FSTL5: variants seen among roughly 807,000 people sequenced by gnomAD.
The protein encoded by FSTL5 is follistatin like 5.
A neutral mutation model predicts 89.1 loss-of-function variants in FSTL5; 62 were observed. The observed-to-expected ratio is 0.70, with a 90% CI of 0.57 to 0.86. The LOEUF is 0.86. Ranked by LOEUF, FSTL5 falls within the 40% of genes least tolerant of loss-of-function variation. The pLI is 0.00. For missense variants in FSTL5, 1,057 were observed against 1,001.6 expected, an observed-to-expected ratio of 1.06 and a Z score of -0.75; for synonymous variants, 383 against 346.2, an observed-to-expected ratio of 1.11 and a Z score of -1.18.
chr4:161,781,137 C>A (rs1457818092), intron 4 of FSTL5, among the ~76,000 whole-genome samples: 2 of 151,784 alleles, frequency 1.3e-5, no homozygotes, highest in Non-Finnish European at 2.9e-5. Context: ...GCTAATAAAA[C>A]ACAAATATTT....
At chr4:161,520,474 TAAC>T (rs138989021) in intron 10 of FSTL5, among the ~76,000 whole-genome samples, 97 of 152,120 alleles carry the variant, frequency 6.4e-4, no homozygotes, top group African/African-American at 2.3e-3. Flanking sequence ...TTATAAATTA[TAAC>T]AAAAAACATC....
intron 2 of FSTL5, among the ~76,000 whole-genome samples, chr4:162,067,939 C>A (rs1035319289): frequency 6.6e-5 from 10 of 151,902 alleles, no homozygotes; most frequent in Non-Finnish European, 1.5e-4. Context: ...CGAATGAACT[C>A]CAATTCACAA....
chr4:162,057,292 C>G (rs947134276), intron 2 of FSTL5, among the ~76,000 whole-genome samples: 2 of 152,108 alleles, frequency 1.3e-5, no homozygotes, highest in African/African-American at 4.8e-5. Flanking sequence ...CTCAAGAGCT[C>G]TACTCATGGA....
intron 1 of FSTL5, among the ~76,000 whole-genome samples, chr4:162,153,606 TATATATGTATATTATATATGTATATAATA>T (rs1561048680): frequency 1.6e-4 from 16 of 99,992 alleles, no homozygotes; most frequent in African/African-American, 5.1e-4. Context: ...TGTGTGTGTA[TATATATGTATATTATATATGTATATAATA>T]ATATATGTAT....
At chr4:161,478,874 C>T (rs969033924) in intron 13 of FSTL5, among the ~76,000 whole-genome samples, 1 of 151,822 alleles carries the variant, frequency 6.6e-6, no homozygotes, top group East Asian at 1.9e-4. Context: ...AAAGAATTAC[C>T]CTAGCAACAG....
chr4:162,107,622 C>T (rs1338866623), intron 2 of FSTL5, among the ~76,000 whole-genome samples: 1 of 152,060 alleles, frequency 6.6e-6, no homozygotes, highest in Non-Finnish European at 1.5e-5. Flanking sequence ...ACTGCAACAA[C>T]CATCAGGAGA....
chr4:161,622,564 T>C (rs1037058544), intron 7 of FSTL5, among the ~76,000 whole-genome samples: 2 of 151,942 alleles, frequency 1.3e-5, no homozygotes, highest in Non-Finnish European at 2.9e-5. Context: ...TGTGTATATA[T>C]ATATATAATG....
chr4:161,564,105 T>C lies in FSTL5; in HGVS notation c.1016-21412A>G, dbSNP rs895191473. Among the ~76,000 whole-genome samples the C allele has an allele frequency of 2.0e-5, 3 of 151,860 alleles. No individual in the cohort carries two copies. The East Asian group carries it at 5.8e-4, about 29-fold the overall frequency. On this transcript the variant is annotated intron_variant, in intron 8 of 15. Transcript: ENST00000306100. ...TTAATTTTCTTCAGAGTGAATAATA[T>C]ATTTGTATTCAAATTTACATTATTC...
At chr4:161,716,088 C>G (rs76131750) in intron 6 of FSTL5, among the ~76,000 whole-genome samples, 1,589 of 152,238 alleles carry the variant, frequency 0.01, 22 homozygotes, top group African/African-American at 0.036. Context: ...CAAAATTCCC[C>G]CACCACCCTC....
intron 1 of FSTL5, among the ~76,000 whole-genome samples, chr4:162,163,386 C>T (rs1733762921): frequency 6.7e-6 from 1 of 150,060 alleles, no homozygotes; most frequent in African/African-American, 2.4e-5. Flanking sequence ...AAAAGCAAAG[C>T]TCTCAACTTC....
At chr4:161,619,730 C>T (rs1379545565) in intron 7 of FSTL5, among the ~76,000 whole-genome samples, 7 of 152,060 alleles carry the variant, frequency 4.6e-5, no homozygotes, top group African/African-American at 1.7e-4. Flanking sequence ...AACACTTTTA[C>T]ACTGTTGGTG....
chr4:161,596,345 C>T (rs1029371771), intron 7 of FSTL5, among the ~76,000 whole-genome samples: 3 of 151,666 alleles, frequency 2.0e-5, no homozygotes, highest in Non-Finnish European at 4.4e-5. Flanking sequence ...AAAGAAATGT[C>T]AACTAACACG....
chr4:161,750,794 T>G (rs931392350), intron 6 of FSTL5, among the ~76,000 whole-genome samples: 4 of 152,182 alleles, frequency 2.6e-5, no homozygotes, highest in Non-Finnish European at 5.9e-5. Flanking sequence ...CTAAGATTAC[T>G]ATACTGTAAT....
intron 10 of FSTL5, among the ~76,000 whole-genome samples, chr4:161,510,890 C>A (rs1560930764): frequency 6.6e-6 from 1 of 151,776 alleles, no homozygotes. Flanking sequence ...TCTTGTAAAT[C>A]CAAGATCTTG....
intron 7 of FSTL5, among the ~76,000 whole-genome samples, chr4:161,593,637 AC>A (rs1411950971): frequency 1.3e-5 from 2 of 152,084 alleles, no homozygotes; most frequent in African/African-American, 4.8e-5. Context: ...TGGCTGTCAT[AC>A]AGTTTAACTG....
At chr4:161,979,168 G>A (rs962614073) in intron 3 of FSTL5, among the ~76,000 whole-genome samples, 5 of 152,120 alleles carry the variant, frequency 3.3e-5, no homozygotes, top group Non-Finnish European at 7.4e-5. Flanking sequence ...GGCTTGAAAT[G>A]TCCTAGCCCA....
Position 162,033,650 on chromosome 4 carries a change from T to A in FSTL5, c.135A>T (p.Lys45Asn). The change falls in exon 3 of 16, where the codon AAA (lysine) becomes AAT (asparagine). Residue 45 changes from lysine (K) to asparagine (N), a missense_variant. By Grantham distance (94) the Lys-to-Asn change is moderately conservative. Coordinates refer to ENST00000306100, the MANE Select transcript of FSTL5 (RefSeq NM_020116.5). ...CTTTGACTCTTGAACTTTCTTGATT[T>A]TTTTCCTGCTGGAAATAAAACAGAA... ...PLMRLRHKQE[K>N]NQESSRVKGF... The A allele has an allele frequency of 6.7e-7, 1 of 1,494,894 alleles. No individual in the cohort carries two copies. The highest frequency in any genetic ancestry group is 1.4e-5 in the African/African-American group (1 of 72,274). 92.6% of individuals were successfully genotyped at this position (1,494,894 alleles called of 1,614,324 possible). A position where few individuals can be genotyped will look rare whatever the true frequency, so the allele number is the denominator to read the frequency against.
chr4:161,759,149 T>C (rs575559464), intron 6 of FSTL5, among the ~76,000 whole-genome samples: 23 of 152,322 alleles, frequency 1.5e-4, no homozygotes, highest in Middle Eastern at 3.4e-3. Flanking sequence ...GAAAGCAGCA[T>C]TGAGGAACTA....
At chr4:162,111,161 T>C in intron 2 of FSTL5, 110 bp downstream of exon 2, 1 of 849,470 alleles carries the variant, frequency 1.2e-6, no homozygotes, top group Non-Finnish European at 1.7e-6. Flanking sequence ...TGGAAACTAC[T>C]GAAAGCATAT....
Sources: gnomAD v4.1 joint callset for allele counts (sites outside exome capture counted in the v4.1 genomes callset) on GRCh38, gnomAD v4.1.1 for gene constraint, MANE v1.5 for transcripts, NCBI Gene and HGNC (gene_info 2026-07-23, HGNC 2026-07-21) for gene names.